MAML3: variants seen among roughly 807,000 people sequenced by gnomAD.
MAML3 encodes the protein mastermind-like protein 3.
MAML3 carries 27 observed loss-of-function variants against 101.9 expected under a neutral mutation model. The observed-to-expected ratio is 0.27, with a 90% CI of 0.20 to 0.37. The LOEUF (loss-of-function observed/expected upper bound fraction) is 0.37, where lower values mean the gene tolerates loss of function less well. Ranked by LOEUF, MAML3 falls within the 10% of genes least tolerant of loss-of-function variation. The probability of loss-of-function intolerance (pLI) is 1.00; values close to 1 mark genes in which losing one functional copy is unlikely to be tolerated. For missense variants in MAML3, 1,316 were observed against 1,444.9 expected (o/e 0.91, Z 1.45); for synonymous variants, 501 against 555.9 (o/e 0.90, Z 1.39).
At chr4:139,998,547 T>C (rs1375204874) in intron 1 of MAML3, among the ~76,000 whole-genome samples, 1 of 152,238 alleles carries the variant, frequency 6.6e-6, no homozygotes. Context: ...TGTAACAGTT[T>C]TGAAGTCTTT....
At chr4:140,072,286 T>C (rs1225624968) in intron 1 of MAML3, among the ~76,000 whole-genome samples, 1 of 152,220 alleles carries the variant, frequency 6.6e-6, no homozygotes, top group African/African-American at 2.4e-5. Flanking sequence ...ACAGACTTTT[T>C]TCTTGTCATT....
At chr4:139,929,620 T>C (rs1051687129) in intron 1 of MAML3, among the ~76,000 whole-genome samples, 19 of 152,204 alleles carry the variant, frequency 1.2e-4, no homozygotes, top group African/African-American at 4.6e-4. Context: ...ACAACACTTA[T>C]TAGTTGGTAC....
intron 1 of MAML3, among the ~76,000 whole-genome samples, chr4:140,092,405 C>A (rs1728075448): frequency 6.6e-6 from 1 of 152,090 alleles, no homozygotes; most frequent in South Asian, 2.1e-4. Context: ...ACTCCTACTC[C>A]TCAAAGCAGC....
At chr4:139,946,070 C>T (rs192845087) in intron 1 of MAML3, among the ~76,000 whole-genome samples, 101 of 152,236 alleles carry the variant, frequency 6.6e-4, no homozygotes, top group Middle Eastern at 3.4e-3. Flanking sequence ...TGGAAAATAC[C>T]AACAAACCTT....
intron 1 of MAML3, among the ~76,000 whole-genome samples, chr4:139,954,546 G>C (rs563571148): frequency 1.3e-5 from 2 of 152,204 alleles, no homozygotes; most frequent in Non-Finnish European, 2.9e-5. Context: ...AGCCATAAGG[G>C]AAGCCCTGCA....
intron 1 of MAML3, among the ~76,000 whole-genome samples, chr4:140,081,643 T>G (rs10519523): frequency 0.059 from 8,988 of 152,188 alleles, 395 homozygotes; most frequent in South Asian, 0.093. Flanking sequence ...GAGTAAACAT[T>G]GAAGTCTCAT....
At chr4:140,148,987 C>A (rs1008333866) in intron 1 of MAML3, among the ~76,000 whole-genome samples, 3 of 152,130 alleles carry the variant, frequency 2.0e-5, no homozygotes, top group Non-Finnish European at 4.4e-5. Context: ...AAGACTATCA[C>A]CATTTTAAAA....
intron 2 of MAML3, among the ~76,000 whole-genome samples, chr4:139,743,466 C>T (rs2111027653): frequency 6.6e-6 from 1 of 152,344 alleles, no homozygotes; most frequent in South Asian, 2.1e-4. Flanking sequence ...CCTTTATCCT[C>T]TCCCCCATTT....
At chr4:140,062,711 G>A (rs1727467472) in intron 1 of MAML3, among the ~76,000 whole-genome samples, 1 of 152,184 alleles carries the variant, frequency 6.6e-6, no homozygotes, top group African/African-American at 2.4e-5. Flanking sequence ...AATACAAATA[G>A]GTAGGATGAA....
intron 2 of MAML3, among the ~76,000 whole-genome samples, chr4:139,767,444 C>T (rs749930992): frequency 1.6e-4 from 25 of 152,318 alleles, no homozygotes; most frequent in Non-Finnish European, 2.2e-4. Context: ...AAATTCCTTA[C>T]GCTTATGAAA....
rs78426355 is a variant in MAML3 at position 140,078,464 on chromosome 4, A to G, written c.468+74396T>C. On this transcript the variant is annotated intron_variant, in intron 1 of 4. Coordinates refer to ENST00000509479, the MANE Select transcript of MAML3 (RefSeq NM_018717.5). ...AGCTCAGGGCTGTTAATGTGACACC[A>G]GCGATGTTGTGGTAATCAGAGAAGG... 5.2e-3 allele frequency among the ~76,000 whole-genome samples: 796 copies of G among 152,242 alleles called. 4 individuals are homozygous for G. The highest frequency in any genetic ancestry group is 0.014 in the African/African-American group (575 of 41,552).
intron 2 of MAML3, among the ~76,000 whole-genome samples, chr4:139,870,141 T>C (rs1731977066): frequency 6.6e-6 from 1 of 152,242 alleles, no homozygotes; most frequent in South Asian, 2.1e-4. Context: ...TACCTTACTG[T>C]GGATCAGAGT....
chr4:140,146,856 C>T (rs1282901633), intron 1 of MAML3, among the ~76,000 whole-genome samples: 1 of 152,046 alleles, frequency 6.6e-6, no homozygotes, highest in African/African-American at 2.4e-5. Context: ...AAAAATCTGG[C>T]CGGGTGCGGT....
intron 1 of MAML3, among the ~76,000 whole-genome samples, chr4:140,030,620 T>A (rs1350607123): frequency 6.6e-6 from 1 of 152,150 alleles, no homozygotes. Context: ...TTCCTTTACC[T>A]CATCTCACTT....
rs775780919 is a variant in MAML3, at chr4:139,890,589, T to C, written c.847A>G (p.Thr283Ala). 6.2e-6 allele frequency: 10 copies of C among 1,614,028 alleles called. No individual in the cohort carries two copies. Among genetic ancestry groups the C allele is most frequent in the Non-Finnish European group, 8.5e-6 (10 of 1,179,886 alleles). The change falls in exon 2 of 5, where the codon ACT becomes GCT. Residue 283 changes from threonine (T) to alanine (A), a missense_variant. Thr to Ala is a moderately conservative substitution (Grantham distance 58). Coordinates refer to ENST00000509479, the MANE Select transcript of MAML3 (RefSeq NM_018717.5). This position sits in a 1 kb window ranked among gnomAD's most constrained non-coding sequence, Gnocchi z 4.1. ...GATGTTTCTGATGTGTCTATGCAAGTAGGGTCATCGAGAGGTTCTTGTTTG... is the reference window on the plus strand; with the variant it reads ...GATGTTTCTGATGTGTCTATGCAAGCAGGGTCATCGAGAGGTTCTTGTTTG... ...DLKQEPLDDP[T>A]CIDTSETSLS...
intron 2 of MAML3, among the ~76,000 whole-genome samples, chr4:139,734,666 C>T (rs1315287603): frequency 6.6e-6 from 1 of 152,238 alleles, no homozygotes; most frequent in Non-Finnish European, 1.5e-5. Context: ...CAGTTTTCGA[C>T]TTCAAAAAAC....
chr4:140,017,055 T>G (rs1726653696), intron 1 of MAML3, among the ~76,000 whole-genome samples: 1 of 152,164 alleles, frequency 6.6e-6, no homozygotes, highest in African/African-American at 2.4e-5. Flanking sequence ...AAACCATATA[T>G]CTAACAAGGA....
intron 2 of MAML3, among the ~76,000 whole-genome samples, chr4:139,775,375 G>C (rs939972534): frequency 1.3e-5 from 2 of 152,142 alleles, no homozygotes; most frequent in East Asian, 1.9e-4. Context: ...CCCTTCAATA[G>C]AGCGCACCCT....
chr4:140,140,917 G>A (rs960856903), intron 1 of MAML3, among the ~76,000 whole-genome samples: 2 of 152,130 alleles, frequency 1.3e-5, no homozygotes, highest in Non-Finnish European at 2.9e-5. Context: ...AGCAGGGCCT[G>A]GCAAGAACCA....
Sources: allele counts gnomAD v4.1 joint callset (sites outside exome capture counted in the v4.1 genomes callset), GRCh38; gene constraint gnomAD v4.1.1; non-coding constraint Gnocchi (gnomAD v3.1); transcripts MANE v1.5; gene names NCBI Gene and HGNC (gene_info 2026-07-23, HGNC 2026-07-21).